The following DNAJC17 variants were observed in gnomAD, a reference collection of about 807,000 sequenced individuals.
DNAJC17 encodes dnaJ homolog subfamily C member 17.
Under a neutral mutation model 48.1 loss-of-function variants are expected in DNAJC17, and 35 were observed. That is an observed-to-expected ratio of 0.73 (90% CI 0.56 to 0.96). DNAJC17 has a LOEUF of 0.96. Ranked by LOEUF, DNAJC17 falls within the 50% of genes least tolerant of loss-of-function variation. The pLI, the probability that DNAJC17 is intolerant of heterozygous loss-of-function variation, is 0.00. For synonymous variants in DNAJC17, 117 were observed against 142.7 expected, an observed-to-expected ratio of 0.82 and a Z score of 1.28; for missense variants, 355 against 377.1, an observed-to-expected ratio of 0.94 and a Z score of 0.48.
chr15:40,780,173 G>A (rs1889443877), intron 1 of DNAJC17, 176 bp from the exon 2 acceptor site: 1 of 703,904 alleles, frequency 1.4e-6, no homozygotes, highest in South Asian at 1.5e-5. Context: ...TGGAGGGAGT[G>A]AGCCACTGTC....
At chr15:40,806,811 C>A (rs1156256053) in intron 1 of DNAJC17, among the ~76,000 whole-genome samples, 2 of 152,198 alleles carry the variant, frequency 1.3e-5, no homozygotes, top group Admixed American at 6.5e-5. Context: ...TTTTAGCCCA[C>A]TAACTAGCAC....
At chr15:40,807,035 C>G in intron 1 of DNAJC17, 1 of 569,990 alleles carries the variant, frequency 1.8e-6, no homozygotes, top group Middle Eastern at 4.7e-4. Flanking sequence ...TTGTCACAGT[C>G]AAGGCAGAAG....
intron 9 of DNAJC17, chr15:40,774,152 C>T (rs1889247764): frequency 4.7e-6 from 3 of 634,810 alleles, no homozygotes; most frequent in South Asian, 1.9e-5. Context: ...TCTCCTTTCT[C>T]CCCAGAGCAC....
intron 1 of DNAJC17, among the ~76,000 whole-genome samples, chr15:40,782,050 C>T (rs1347346882): frequency 6.6e-6 from 1 of 151,994 alleles, no homozygotes; most frequent in African/African-American, 2.4e-5. Context: ...ATGGCAAGAC[C>T]TCATCTCTAC....
intron 1 of DNAJC17, among the ~76,000 whole-genome samples, chr15:40,786,474 G>A (rs1164757767): frequency 2.0e-5 from 3 of 152,114 alleles, no homozygotes; most frequent in Non-Finnish European, 2.9e-5. Context: ...GACCACCCTG[G>A]GCAACAGAGC....
intron 4 of DNAJC17, 143 bp from the exon 5 acceptor site, chr15:40,776,770 G>A (rs1596078611): frequency 6.9e-6 from 5 of 720,782 alleles, no homozygotes; most frequent in South Asian, 3.3e-5. Context: ...CCATGCCCAC[G>A]CCCCCGAGTC....
At chr15:40,795,205 C>T (rs188016420) in intron 1 of DNAJC17, among the ~76,000 whole-genome samples, 62 of 146,572 alleles carry the variant, frequency 4.2e-4, no homozygotes, top group African/African-American at 1.5e-3. Flanking sequence ...TCCATGACCA[C>T]GCCCCTGCAC....
intron 1 of DNAJC17, among the ~76,000 whole-genome samples, chr15:40,787,283 C>T (rs538536918): frequency 1.8e-4 from 28 of 152,332 alleles, no homozygotes; most frequent in Middle Eastern, 3.4e-3. Flanking sequence ...GGGTCCAGAA[C>T]AGTGAACAGC....
chr15:40,771,047 G>A lies in DNAJC17; in HGVS notation c.792+2680C>T, dbSNP rs916679806. On this transcript the variant is annotated intron_variant, in intron 10 of 10. Transcript: ENST00000220496. ...AAATGGGGTGAGGGTGGGCAAAGCC[G>A]GGGTGACTGGAAGATCCAGAGGCTG... 10 of 1,544,000 alleles carry A rather than the reference G, an allele frequency of 6.5e-6. No individual in the cohort carries two copies. The East Asian group carries it at 7.3e-5, about 11-fold the overall frequency.
At chr15:40,777,279 CTCTT>C (rs1205938547) in intron 4 of DNAJC17, among the ~76,000 whole-genome samples, 8 of 146,574 alleles carry the variant, frequency 5.5e-5, no homozygotes, top group Middle Eastern at 3.5e-3. Flanking sequence ...TTCTCTCTCT[CTCTT>C]TTTTTTTTTT....
intron 1 of DNAJC17, among the ~76,000 whole-genome samples, chr15:40,795,413 T>C (rs189151403): frequency 5.1e-4 from 77 of 152,204 alleles, no homozygotes; most frequent in African/African-American, 1.8e-3. Flanking sequence ...AAACAAGATG[T>C]GGGGGCCCTA....
At chr15:40,786,271 C>T (rs1234737055) in intron 1 of DNAJC17, among the ~76,000 whole-genome samples, 1 of 152,110 alleles carries the variant, frequency 6.6e-6, no homozygotes, top group Admixed American at 6.5e-5. Context: ...TTCAGAAGAA[C>T]AAGAAATAGA....
intron 1 of DNAJC17, among the ~76,000 whole-genome samples, chr15:40,805,780 G>A (rs911688384): frequency 1.3e-5 from 2 of 151,764 alleles, no homozygotes; most frequent in Non-Finnish European, 2.9e-5. Context: ...GCAGTAAGCC[G>A]AGATCGCGCC....
chr15:40,778,800 G>A (rs558518378), intron 4 of DNAJC17, among the ~76,000 whole-genome samples: 16 of 152,304 alleles, frequency 1.1e-4, no homozygotes, highest in Admixed American at 9.8e-4. Context: ...GCCGGGCGTA[G>A]TGGTGCATGC....
chr15:40,793,177 G>GT (rs1566828831), intron 1 of DNAJC17, among the ~76,000 whole-genome samples: 1 of 151,962 alleles, frequency 6.6e-6, no homozygotes, highest in African/African-American at 2.4e-5. Flanking sequence ...ACAGGCGTGA[G>GT]CACCGTGCCC....
At chr15:40,792,391 C>T (rs1889829873) in intron 1 of DNAJC17, 2 of 894,468 alleles carry the variant, frequency 2.2e-6, no homozygotes, top group African/African-American at 1.8e-5. Context: ...TAGACTTAAG[C>T]TTTGAGTCTT....
intron 1 of DNAJC17, among the ~76,000 whole-genome samples, chr15:40,788,620 C>T (rs1044201313): frequency 2.0e-5 from 3 of 151,426 alleles, no homozygotes; most frequent in African/African-American, 7.3e-5. Flanking sequence ...GGCATGAACC[C>T]GGGAGGCGGA....
intron 1 of DNAJC17, among the ~76,000 whole-genome samples, chr15:40,792,895 CTTTTT>C (rs563611021): frequency 7.9e-6 from 1 of 126,298 alleles, no homozygotes. Context: ...AAGATCCCTT[CTTTTT>C]TTTTTTTTTT....
intron 9 of DNAJC17, 112 bp from the exon 10 acceptor site, chr15:40,773,949 G>A: frequency 1.1e-6 from 1 of 908,108 alleles, no homozygotes; most frequent in Non-Finnish European, 1.7e-6. Context: ...AAGCAGAGAT[G>A]CCAACCTCAG....
Sources: allele counts gnomAD v4.1 joint callset (sites outside exome capture counted in the v4.1 genomes callset), GRCh38; gene constraint gnomAD v4.1.1; transcripts MANE v1.5; gene names NCBI Gene and HGNC (gene_info 2026-07-23, HGNC 2026-07-21).